UGT1A10: variants seen among roughly 807,000 people sequenced by gnomAD.
The protein encoded by UGT1A10 is UDP-glucuronosyltransferase 1A10.
In UGT1A10, 49 loss-of-function variants were observed where a neutral mutation model predicts 45.8. The observed-to-expected ratio is 1.07, with a 90% CI of 0.85 to 1.36. The LOEUF is 1.36. UGT1A10 is among the 40% of genes most tolerant of loss of function. UGT1A10 has a pLI of 0.00. For synonymous variants in UGT1A10, 284 were observed against 249.7 expected, an observed-to-expected ratio of 1.14 and a Z score of -1.29; for missense variants, 745 against 668.6, an observed-to-expected ratio of 1.11 and a Z score of -1.26.
chr2:233,761,878 A>G (rs1435325744), intron 1 of UGT1A10, among the ~76,000 whole-genome samples: 1 of 152,196 alleles, frequency 6.6e-6, no homozygotes, highest in African/African-American at 2.4e-5. Flanking sequence ...GAGAGCGTTC[A>G]TTCACTTATC....
intron 1 of UGT1A10, among the ~76,000 whole-genome samples, chr2:233,678,032 C>T (rs2074406674): frequency 1.3e-5 from 2 of 152,118 alleles, no homozygotes; most frequent in South Asian, 4.1e-4. Flanking sequence ...ATGGATGCAG[C>T]TGGAGGTCAT....
intron 1 of UGT1A10, among the ~76,000 whole-genome samples, chr2:233,641,215 C>T (rs529473236): frequency 1.3e-5 from 2 of 152,298 alleles, no homozygotes; most frequent in South Asian, 2.1e-4. Context: ...CCTTTCTTTA[C>T]CTACAAGTAT....
At chr2:233,653,045 G>A (rs1366375786) in intron 1 of UGT1A10, among the ~76,000 whole-genome samples, 3 of 152,220 alleles carry the variant, frequency 2.0e-5, no homozygotes, top group Admixed American at 6.5e-5. Context: ...TCTCTAAGAT[G>A]TGCAAGTAAA....
chr2:233,716,515 C>G (rs915755081), intron 1 of UGT1A10, among the ~76,000 whole-genome samples: 1 of 152,192 alleles, frequency 6.6e-6, no homozygotes, highest in Admixed American at 6.5e-5. Flanking sequence ...GAGCTCTCAG[C>G]TTACCATTCA....
intron 1 of UGT1A10, among the ~76,000 whole-genome samples, chr2:233,643,645 G>T (rs1384064069): frequency 1.3e-5 from 2 of 152,070 alleles, no homozygotes; most frequent in Non-Finnish European, 2.9e-5. Flanking sequence ...CATCACAGCT[G>T]GGAATGTGCT....
rs1257445650 is a variant in UGT1A10, at chr2:233,733,217, A to G, written c.856-33817A>G. Among the ~76,000 whole-genome samples, 5 of 152,274 alleles carry G rather than the reference A, an allele frequency of 3.3e-5. 1 individual carries two copies. The highest frequency in any genetic ancestry group is 2.0e-4 in the Admixed American group (3 of 15,300). On this transcript the variant is annotated intron_variant, in intron 1 of 4. Coordinates refer to ENST00000344644, the MANE Select transcript of UGT1A10 (RefSeq NM_019075.4). ...CTTAAGGAGACTTTGGGCTGAGACA[A>G]TGGGGTTTTCTAAATATACAATCAT...
intron 1 of UGT1A10, among the ~76,000 whole-genome samples, chr2:233,700,098 G>A (rs1027814620): frequency 1.3e-5 from 2 of 152,182 alleles, no homozygotes; most frequent in African/African-American, 4.8e-5. Context: ...TGGAGGTGTG[G>A]AGGGCAGCAA....
chr2:233,740,379 T>C (rs1691378292), intron 1 of UGT1A10, among the ~76,000 whole-genome samples: 1 of 151,912 alleles, frequency 6.6e-6, no homozygotes, highest in Admixed American at 6.5e-5. Flanking sequence ...AGGTAAGTTG[T>C]TGTGTGAATT....
At chr2:233,713,588 G>A (rs757953285) in intron 1 of UGT1A10, 87 of 1,613,728 alleles carry the variant, frequency 5.4e-5, no homozygotes, top group Non-Finnish European at 6.6e-5. Context: ...GATTACTAAC[G>A]ACCAATTCAG....
intron 1 of UGT1A10, chr2:233,682,509 C>T (rs1326644078): frequency 2.5e-6 from 4 of 1,613,890 alleles, no homozygotes; most frequent in South Asian, 1.1e-5. Context: ...TCCTATGTCC[C>T]CAGACTTCTC....
At chr2:233,708,956 T>A (rs1167417954) in intron 1 of UGT1A10, among the ~76,000 whole-genome samples, 1 of 152,154 alleles carries the variant, frequency 6.6e-6, no homozygotes, top group East Asian at 1.9e-4. Flanking sequence ...CATTTATATG[T>A]TTCCATTTCT....
chr2:233,700,852 C>G (rs1159927866), intron 1 of UGT1A10, among the ~76,000 whole-genome samples: 2 of 152,028 alleles, frequency 1.3e-5, no homozygotes, highest in Non-Finnish European at 2.9e-5. Context: ...AGGTATATCT[C>G]CTAATGCTAT....
chr2:233,729,665 T>C, intron 1 of UGT1A10: 1 of 1,613,966 alleles, frequency 6.2e-7, no homozygotes, highest in Non-Finnish European at 8.5e-7. Context: ...CCATGTGATT[T>C]AGACTTTAAG....
intron 1 of UGT1A10, among the ~76,000 whole-genome samples, chr2:233,725,714 T>C (rs572434706): frequency 1.3e-5 from 2 of 152,238 alleles, no homozygotes; most frequent in East Asian, 3.8e-4. Flanking sequence ...GTGACTACCA[T>C]ATGGTCAATG....
In UGT1A10 at chr2:233,769,858, A is replaced by AC. The variant is rs557718673; in HGVS notation, c.1295+1419_1295+1420insC. The AC allele has an allele frequency of 9.4e-6, 1 of 106,936 alleles. No individual in the cohort carries two copies. Among genetic ancestry groups the AC allele is most frequent in the Non-Finnish European group, 1.7e-5 (1 of 60,026 alleles). 6.6% of individuals were successfully genotyped at this position (106,936 alleles called of 1,614,324 possible). On this transcript the variant is annotated intron_variant, in intron 4 of 4. Transcript: ENST00000344644. This position sits in a 1 kb window ranked among gnomAD's most constrained non-coding sequence, Gnocchi z 4.4. Reference sequence around the variant, plus strand: ...GGGCAACAGAGTGAGACCCTGTCTCAAAAAAAAAAAAAAAAATGAAAAGTC... The same window carrying AC: ...GGGCAACAGAGTGAGACCCTGTCTCACAAAAAAAAAAAAAAAATGAAAAGTC...
At chr2:233,672,787 A>G (rs564884584) in intron 1 of UGT1A10, 7 of 1,613,082 alleles carry the variant, frequency 4.3e-6, no homozygotes, top group African/African-American at 2.7e-5. Flanking sequence ...GCCGTTGCCT[A>G]TGGTAAGTTA....
In UGT1A10 at chr2:233,636,731, T is replaced by G. The variant is rs1206252285; in HGVS notation, c.209T>G (p.Leu70Arg). Residue 70 changes from leucine to arginine, a missense_variant, in exon 1 of 5, where the codon CTG becomes CGG. Coordinates refer to ENST00000344644, the MANE Select transcript of UGT1A10 (RefSeq NM_019075.4). ...GTGAGTTGGCAACTGGAAAGATCAC[T>G]GAATTGCACAGTGAAGACTTACTCA... ...PEVSWQLERS[L>R]NCTVKTYSTS... is the part of the protein sequence containing the mutation. 6.2e-7 allele frequency: 1 copy of G among 1,614,060 alleles called. No homozygotes were observed. The highest frequency in any genetic ancestry group is 8.5e-7 in the Non-Finnish European group (1 of 1,180,042).
intron 1 of UGT1A10, among the ~76,000 whole-genome samples, chr2:233,735,366 G>C (rs2078646092): frequency 6.6e-6 from 1 of 151,988 alleles, no homozygotes; most frequent in Non-Finnish European, 1.5e-5. Context: ...TTGTTTGGTA[G>C]ATCTTCCTCC....
chr2:233,772,311 G>T lies in UGT1A10; in HGVS notation c.1345G>T (p.Val449Leu), dbSNP rs587784536. 12 of 1,614,228 alleles carry T rather than the reference G, an allele frequency of 7.4e-6. No homozygotes were observed. In the Admixed American group the frequency reaches 1.5e-4, roughly 20 times the overall value. Residue 449 changes from valine (V) to leucine (L), a missense_variant, in exon 5 of 5, where the codon GTG becomes TTG. Transcript: ENST00000344644. ...RLSSLHKDRP[V>L]EPLDLAVFWV... ...CTCCAGCCTTCACAAGGACCGCCCG[G>T]TGGAGCCGCTGGACCTGGCCGTGTT...
Sources: gnomAD v4.1 joint callset for allele counts (sites outside exome capture counted in the v4.1 genomes callset) on GRCh38, gnomAD v4.1.1 for gene constraint, Gnocchi (gnomAD v3.1) non-coding constraint, MANE v1.5 for transcripts, NCBI Gene and HGNC (gene_info 2026-07-23, HGNC 2026-07-21) for gene names.